The following C11orf65 variants were observed in gnomAD, a reference collection of about 807,000 sequenced individuals.
C11orf65 encodes the protein chromosome 11 open reading frame 65, also known as protein MFI.
A neutral mutation model predicts 35.3 loss-of-function variants in C11orf65; 38 were observed. The ratio of observed to expected loss-of-function variants is 1.08; its 90% CI spans 0.83 to 1.41. C11orf65 has a LOEUF of 1.41. Among genes scored for constraint, C11orf65 ranks in the 40% most tolerant of loss-of-function variants. C11orf65 has a pLI of 0.00. For missense variants in C11orf65, 370 were observed against 367.1 expected (o/e 1.01, Z -0.06); for synonymous variants, 105 against 114.4 (o/e 0.92, Z 0.53).
At chr11:108,319,455 C>A (rs771838520) in intron 6 of C11orf65, among the ~76,000 whole-genome samples, 1 of 152,218 alleles carries the variant, frequency 6.6e-6, no homozygotes, top group Middle Eastern at 3.4e-3. Context: ...TCTTTTCATT[C>A]GGACCCTAGT....
intron 1 of C11orf65, among the ~76,000 whole-genome samples, chr11:108,463,592 G>A (rs548880122): frequency 1.3e-5 from 2 of 152,234 alleles, no homozygotes; most frequent in African/African-American, 4.8e-5. Context: ...ATTCTTAGCT[G>A]CATGATTTTG....
At chr11:108,383,265 C>T in intron 8 of C11orf65, 90 bp from the exon 9 acceptor site, 1 of 1,099,468 alleles carries the variant, frequency 9.1e-7, no homozygotes, top group East Asian at 2.6e-5. Context: ...GTTCCACATT[C>T]CTTTTCACCA....
rs574748924 is a variant in C11orf65, at chr11:108,465,352, C to A, written c.-10+2119G>T. 1.2e-4 allele frequency among the ~76,000 whole-genome samples: 19 copies of A among 152,194 alleles called. No homozygotes were observed. In the South Asian group the frequency reaches 3.9e-3, roughly 32 times the overall value. ...TGCCACCATTATATGTTTATGAATACACAAAATATAGAGGAAATATATTCC... is the reference window on the plus strand; with the variant it reads ...TGCCACCATTATATGTTTATGAATAAACAAAATATAGAGGAAATATATTCC... On this transcript the variant is annotated intron_variant, in intron 1 of 8. Transcript: ENST00000393084.
rs1373810646 is a variant in C11orf65, at chr11:108,365,660, C to T, written c.226+27548G>A. The T allele has an allele frequency of 3.2e-6, 3 of 935,296 alleles. No homozygotes were observed. The East Asian group carries it at 7.9e-5, about 25-fold the overall frequency. The allele number at this position is 935,296 out of a possible 1,614,324, so 57.9% of individuals were successfully genotyped here. On this transcript the variant is annotated intron_variant, in intron 2 of 3. Transcript: ENST00000524755. ...TGTTGGTTTTAATACTTGATTTAAT[C>T]ACCACTCAAAAATGTTTTGATGGTC...
At chr11:108,441,426 A>G (rs2093152394) in intron 2 of C11orf65, among the ~76,000 whole-genome samples, 1 of 152,204 alleles carries the variant, frequency 6.6e-6, no homozygotes, top group Non-Finnish European at 1.5e-5. Context: ...GGCAGCAGAA[A>G]CTTCTGCAGA....
At chr11:108,373,607 G>A (rs1021737933) in intron 2 of C11orf65, among the ~76,000 whole-genome samples, 7 of 152,200 alleles carry the variant, frequency 4.6e-5, no homozygotes, top group African/African-American at 1.4e-4. Context: ...CGCAGAAGAC[G>A]GGTGATTTCT....
chr11:108,362,812 G>T (rs1197333398), intron 2 of C11orf65, among the ~76,000 whole-genome samples: 3 of 118,216 alleles, frequency 2.5e-5, no homozygotes, highest in South Asian at 3.6e-4. Context: ...GGTGGGGGGC[G>T]GGGGGAGGGA....
At chr11:108,448,888 T>A (rs2093306573) in intron 2 of C11orf65, among the ~76,000 whole-genome samples, 1 of 152,124 alleles carries the variant, frequency 6.6e-6, no homozygotes, top group African/African-American at 2.4e-5. Flanking sequence ...GAAAACCCCA[T>A]CATTTCAGCC....
chr11:108,466,985 A>AAAAC (rs1555181336), intron 1 of C11orf65, among the ~76,000 whole-genome samples: 1 of 151,710 alleles, frequency 6.6e-6, no homozygotes, highest in Admixed American at 6.6e-5. Context: ...AGGAGAAGAA[A>AAAAC]AACTAACCTA....
chr11:108,456,341 A>C (rs914928100), intron 2 of C11orf65, among the ~76,000 whole-genome samples: 2 of 152,184 alleles, frequency 1.3e-5, no homozygotes, highest in African/African-American at 4.8e-5. Context: ...TGTACCTCTA[A>C]GTATACACAA....
chr11:108,365,669 A>G (rs1289103193), intron 2 of C11orf65: 5 of 897,936 alleles, frequency 5.6e-6, no homozygotes, highest in South Asian at 5.2e-5. Flanking sequence ...TCACCACTCA[A>G]AAATGTTTTG....
intron 2 of C11orf65, among the ~76,000 whole-genome samples, chr11:108,460,726 TTTGTTG>T (rs59315807): frequency 2.0e-5 from 3 of 150,990 alleles, no homozygotes; most frequent in Non-Finnish European, 4.4e-5. Flanking sequence ...AAAAGTCTGC[TTTGTTG>T]TTGTTGTTGT....
At position 108,335,880 on chromosome 11, in the gene C11orf65, A is replaced by T. The variant is rs587781946; in HGVS notation, c.227-588T>A. The T allele has an allele frequency of 1.9e-6, 3 of 1,614,070 alleles. No individual in the cohort carries two copies. Among genetic ancestry groups the T allele is most frequent in the Non-Finnish European group, 2.5e-6 (3 of 1,179,962 alleles). On this transcript the variant is annotated intron_variant, in intron 2 of 3. Coordinates refer to the C11orf65 transcript ENST00000524755. ...ACCTGAGACAAGATGCTGTCATGCA[A>T]CAGGTCTTCCAGATGTGTAATACAT...
rs547967408 is a variant in C11orf65 at position 108,424,955 on chromosome 11, A to C, written c.174+6791T>G. 5.3e-5 allele frequency among the ~76,000 whole-genome samples: 8 copies of C among 152,334 alleles called. No individual in the cohort carries two copies. In the East Asian group the frequency reaches 1.3e-3, roughly 26 times the overall value. ...AGAAATAAATAAGTTATTTGAAACC[A>C]ATGAGAACAAAGACACAATGTACCA... On this transcript the variant is annotated intron_variant, in intron 3 of 8. Transcript: ENST00000393084.
chr11:108,309,136 G>A, intron 6 of C11orf65: 1 of 924,924 alleles, frequency 1.1e-6, no homozygotes, highest in South Asian at 1.4e-5. Context: ...CCAAGCTTGT[G>A]CTGTGTAAAA....
intron 2 of C11orf65, among the ~76,000 whole-genome samples, chr11:108,443,098 G>A (rs987676645): frequency 1.2e-4 from 18 of 152,132 alleles, no homozygotes; most frequent in Non-Finnish European, 1.8e-4. Context: ...GACACACATA[G>A]GCTCAAAATA....
intron 3 of C11orf65, among the ~76,000 whole-genome samples, chr11:108,418,438 A>G (rs1239679926): frequency 6.6e-6 from 1 of 152,170 alleles, no homozygotes; most frequent in Non-Finnish European, 1.5e-5. Flanking sequence ...AATAAAGTAG[A>G]AATTTTAAAA....
chr11:108,373,150 C>G (rs2091617060), intron 2 of C11orf65, among the ~76,000 whole-genome samples: 1 of 151,946 alleles, frequency 6.6e-6, no homozygotes, highest in Admixed American at 6.6e-5. Flanking sequence ...AAAATCCTCA[C>G]AAAATATTAG....
chr11:108,459,931 A>G (rs934504389), intron 2 of C11orf65, among the ~76,000 whole-genome samples: 2 of 152,170 alleles, frequency 1.3e-5, no homozygotes. Context: ...TTACGCCTAG[A>G]TGATGTGTAT....
Sources: gnomAD v4.1 joint callset for allele counts (sites outside exome capture counted in the v4.1 genomes callset) on GRCh38, gnomAD v4.1.1 for gene constraint, MANE v1.5 for transcripts, NCBI Gene and HGNC (gene_info 2026-07-23, HGNC 2026-07-21) for gene names.